Variants in ADGRL3 observed in about 807,000 individuals in gnomAD.
ADGRL3 encodes the protein calcium-independent alpha-latrotoxin receptor 3.
ADGRL3 carries 62 observed loss-of-function variants against 153.5 expected under a neutral mutation model. The ratio of observed to expected loss-of-function variants is 0.40; its 90% CI spans 0.33 to 0.50. The LOEUF (loss-of-function observed/expected upper bound fraction) is 0.50. Among genes scored for constraint, ADGRL3 ranks in the 20% least tolerant of loss-of-function variants. The pLI, the probability that ADGRL3 is intolerant of heterozygous loss-of-function variation, is 0.47. For missense variants in ADGRL3, 1,641 were observed against 1,859.4 expected, an observed-to-expected ratio of 0.88 and a Z score of 2.16; for synonymous variants, 710 against 672.5, an observed-to-expected ratio of 1.06 and a Z score of -0.86.
chr4:61,805,392 A>G (rs2097543252), intron 8 of ADGRL3, among the ~76,000 whole-genome samples: 1 of 152,328 alleles, frequency 6.6e-6, no homozygotes, highest in Non-Finnish European at 1.5e-5. Flanking sequence ...CTTTAAAAAC[A>G]TAAGCACAGC....
intron 25 of ADGRL3, among the ~76,000 whole-genome samples, chr4:62,059,667 G>T (rs1464297939): frequency 6.6e-6 from 1 of 152,092 alleles, no homozygotes; most frequent in Non-Finnish European, 1.5e-5. Flanking sequence ...TATAGCTACA[G>T]ATCAATAACT....
chr4:61,955,906 T>A (rs1405704331), intron 17 of ADGRL3, among the ~76,000 whole-genome samples: 1 of 152,214 alleles, frequency 6.6e-6, no homozygotes, highest in East Asian at 1.9e-4. Flanking sequence ...ATGGTGCATA[T>A]GTACCACATT....
In ADGRL3 at chr4:61,220,748, G is replaced by T. The variant is rs371817539; in HGVS notation, c.-240+18983G>T. 5.9e-5 allele frequency among the ~76,000 whole-genome samples: 9 copies of T among 152,166 alleles called. No individual in the cohort carries two copies. The East Asian group carries it at 9.7e-4, about 16-fold the overall frequency. On this transcript the variant is annotated intron_variant, in intron 1 of 26. Transcript: ENST00000683033. ...GAATCATTCTGGCATGTTACTTCAT[G>T]TATATCAAACTATCTTTTTTATCTC... is the stretch of plus-strand genomic sequence containing the variant.
chr4:61,204,501 G>A (rs936809558), intron 1 of ADGRL3, among the ~76,000 whole-genome samples: 1 of 152,182 alleles, frequency 6.6e-6, no homozygotes. Flanking sequence ...TTTCCTAGCA[G>A]CATGTGTTCC....
At chr4:62,039,062 AATT>A (rs1560539435) in intron 24 of ADGRL3, among the ~76,000 whole-genome samples, 1 of 152,158 alleles carries the variant, frequency 6.6e-6, no homozygotes, top group Non-Finnish European at 1.5e-5. Flanking sequence ...CTATATATCT[AATT>A]ATTGTTTCAT....
At chr4:61,642,961 C>T (rs1181198130) in intron 5 of ADGRL3, among the ~76,000 whole-genome samples, 2 of 152,132 alleles carry the variant, frequency 1.3e-5, no homozygotes, top group South Asian at 2.1e-4. Context: ...TCTTTTATTT[C>T]CTTGAGCAGT....
At chr4:61,432,794 T>C (rs1227862201) in intron 2 of ADGRL3, among the ~76,000 whole-genome samples, 2 of 151,332 alleles carry the variant, frequency 1.3e-5, no homozygotes, top group Admixed American at 6.6e-5. Context: ...GCTGGGGTTA[T>C]AGGCATGAGC....
chr4:61,341,978 G>A (rs2095816767), intron 1 of ADGRL3, among the ~76,000 whole-genome samples: 1 of 152,044 alleles, frequency 6.6e-6, no homozygotes, highest in Non-Finnish European at 1.5e-5. Flanking sequence ...TTTAAAGATA[G>A]GAGCTTGATA....
intron 22 of ADGRL3, among the ~76,000 whole-genome samples, chr4:62,029,680 T>C (rs1277725875): frequency 1.3e-5 from 2 of 149,260 alleles, no homozygotes; most frequent in Non-Finnish European, 3.0e-5. Flanking sequence ...CACTTCTTCA[T>C]GCTTCTGCTT....
intron 9 of ADGRL3, among the ~76,000 whole-genome samples, chr4:61,835,289 A>G (rs991116496): frequency 4.9e-5 from 7 of 143,098 alleles, no homozygotes; most frequent in African/African-American, 1.8e-4. Flanking sequence ...TACCACTACC[A>G]GAAGTTATCT....
chr4:61,492,147 T>C (rs1333924234), intron 2 of ADGRL3, among the ~76,000 whole-genome samples: 2 of 152,200 alleles, frequency 1.3e-5, no homozygotes, highest in Non-Finnish European at 2.9e-5. Flanking sequence ...GCATTTTTTA[T>C]ATTTCGTATG....
chr4:61,831,700 G>A (rs2097871618), intron 9 of ADGRL3, among the ~76,000 whole-genome samples: 2 of 152,004 alleles, frequency 1.3e-5, no homozygotes, highest in Non-Finnish European at 2.9e-5. Context: ...AGGTTATGGG[G>A]GAAGATACTT....
intron 5 of ADGRL3, among the ~76,000 whole-genome samples, chr4:61,609,241 C>T (rs775942230): frequency 2.0e-5 from 3 of 152,032 alleles, no homozygotes; most frequent in Non-Finnish European, 2.9e-5. Context: ...TTAAAATTTG[C>T]TCATCAGTAT....
At chr4:61,263,103 T>A (rs758291028) in intron 1 of ADGRL3, among the ~76,000 whole-genome samples, 20 of 152,058 alleles carry the variant, frequency 1.3e-4, no homozygotes, top group Non-Finnish European at 2.1e-4. Context: ...ATTAAGTAGA[T>A]AACGAATAGC....
At chr4:61,507,812 T>G (rs555037738) in intron 3 of ADGRL3, among the ~76,000 whole-genome samples, 5 of 152,302 alleles carry the variant, frequency 3.3e-5, no homozygotes, top group African/African-American at 4.8e-5. Context: ...AAAACAGACC[T>G]CTGTCAATAT....
chr4:61,701,086 G>A (rs186733727), intron 6 of ADGRL3, among the ~76,000 whole-genome samples: 73 of 152,200 alleles, frequency 4.8e-4, no homozygotes, highest in Non-Finnish European at 7.8e-4. Flanking sequence ...AATTTTGAGA[G>A]CAGTAGAAAT....
At chr4:61,792,830 G>C (rs1045699642) in intron 8 of ADGRL3, among the ~76,000 whole-genome samples, 2 of 151,886 alleles carry the variant, frequency 1.3e-5, no homozygotes, top group African/African-American at 4.8e-5. Flanking sequence ...CCTCCAAACT[G>C]TTCCAACCTC....
intron 5 of ADGRL3, among the ~76,000 whole-genome samples, chr4:61,598,959 G>A (rs2099000253): frequency 1.3e-5 from 2 of 152,034 alleles, no homozygotes; most frequent in Non-Finnish European, 2.9e-5. Context: ...TGCCTTTTAG[G>A]GGCCAAGGGA....
chr4:61,649,365 C>T (rs2094163215), intron 5 of ADGRL3, among the ~76,000 whole-genome samples: 1 of 151,874 alleles, frequency 6.6e-6, no homozygotes. Flanking sequence ...CTAAATTTAC[C>T]ATATTAAAGG....
Sources: gnomAD v4.1 joint callset for allele counts (sites outside exome capture counted in the v4.1 genomes callset) on GRCh38, gnomAD v4.1.1 for gene constraint, MANE v1.5 for transcripts, NCBI Gene and HGNC (gene_info 2026-07-23, HGNC 2026-07-21) for gene names.